The following CYSTM1 variants were observed in gnomAD, a reference collection of about 807,000 sequenced individuals.
CYSTM1 encodes the protein cysteine-rich transmembrane module-containing protein 1.
Under a neutral mutation model 13.1 loss-of-function variants are expected in CYSTM1, and 4 were observed. The observed-to-expected ratio is 0.31, with a 90% CI of 0.15 to 0.70. The LOEUF (loss-of-function observed/expected upper bound fraction) is 0.70, where lower values mean the gene tolerates loss of function less well. CYSTM1 is among the 30% of genes least tolerant of loss of function. The pLI, the probability that CYSTM1 is intolerant of heterozygous loss-of-function variation, is 0.72. For missense variants in CYSTM1, 96 were observed against 121.6 expected (o/e 0.79, Z 0.99); for synonymous variants, 36 against 42.7 (o/e 0.84, Z 0.62).
chr5:140,204,670 CT>C (rs1764275082), intron 2 of CYSTM1, among the ~76,000 whole-genome samples: 1 of 152,138 alleles, frequency 6.6e-6, no homozygotes, highest in South Asian at 2.1e-4. Flanking sequence ...ATTATTTTAC[CT>C]CCCTGATCTT....
intron 1 of CYSTM1, among the ~76,000 whole-genome samples, chr5:140,179,243 GA>G (rs2126651681): frequency 1.3e-5 from 2 of 150,166 alleles, no homozygotes; most frequent in African/African-American, 4.9e-5. Flanking sequence ...CTGGAAGACA[GA>G]ATGACATCTT....
intron 2 of CYSTM1, among the ~76,000 whole-genome samples, chr5:140,240,320 T>C (rs1457144335): frequency 1.3e-5 from 2 of 151,914 alleles, no homozygotes; most frequent in African/African-American, 4.8e-5. Context: ...TATGTAACCA[T>C]AGTTCTGCCT....
intron 2 of CYSTM1, among the ~76,000 whole-genome samples, chr5:140,224,235 G>A (rs1473497937): frequency 1.3e-5 from 2 of 152,148 alleles, no homozygotes; most frequent in South Asian, 2.1e-4. Context: ...TGCCTCCCGG[G>A]TTCAAGCGAT....
chr5:140,197,981 A>T (rs1341056379), intron 2 of CYSTM1, among the ~76,000 whole-genome samples: 3 of 152,222 alleles, frequency 2.0e-5, no homozygotes, highest in Non-Finnish European at 2.9e-5. Context: ...TTGTAGCAAA[A>T]AAACCCACCT....
chr5:140,196,147 G>A lies in CYSTM1; in HGVS notation c.187+1495G>A, dbSNP rs1764154406. On this transcript the variant is annotated intron_variant, in intron 2 of 2. Transcript: ENST00000261811. ...CCTATGAAGTTATTCCCATTTTATAGTGATGTAATAGAGGTACAAAGTTAG... is the reference window on the plus strand; with the variant it reads ...CCTATGAAGTTATTCCCATTTTATAATGATGTAATAGAGGTACAAAGTTAG... 2.0e-5 allele frequency among the ~76,000 whole-genome samples: 3 copies of A among 152,108 alleles called. No individual in the cohort carries two copies. The South Asian group carries it at 6.2e-4, about 32-fold the overall frequency.
chr5:140,215,749 T>G (rs1764418256), intron 2 of CYSTM1, among the ~76,000 whole-genome samples: 1 of 152,278 alleles, frequency 6.6e-6, no homozygotes, highest in South Asian at 2.1e-4. Flanking sequence ...AATATAATGC[T>G]ACATAAAAGT....
At chr5:140,202,837 G>T (rs1176258776) in intron 2 of CYSTM1, 1 of 152,094 alleles carries the variant, frequency 6.6e-6, no homozygotes, top group Non-Finnish European at 1.5e-5. Context: ...ACCAGTGTTG[G>T]GTTTCTCCAC....
intron 1 of CYSTM1, among the ~76,000 whole-genome samples, chr5:140,186,720 C>G (rs1283870468): frequency 6.6e-6 from 1 of 152,178 alleles, no homozygotes; most frequent in Non-Finnish European, 1.5e-5. Context: ...ATAGTTGATG[C>G]TCCTATAAGT....
intron 2 of CYSTM1, among the ~76,000 whole-genome samples, chr5:140,216,660 C>T (rs1049077391): frequency 4.6e-5 from 7 of 152,186 alleles, no homozygotes; most frequent in African/African-American, 1.7e-4. Flanking sequence ...AGCTTGCTGC[C>T]TGTATGCTAT....
chr5:140,186,242 CAT>C (rs779625435), intron 1 of CYSTM1, among the ~76,000 whole-genome samples: 1 of 152,060 alleles, frequency 6.6e-6, no homozygotes, highest in Non-Finnish European at 1.5e-5. Flanking sequence ...AACAAACAAA[CAT>C]AAAGTTACAT....
chr5:140,208,561 T>A (rs542837872), intron 2 of CYSTM1, among the ~76,000 whole-genome samples: 1 of 152,234 alleles, frequency 6.6e-6, no homozygotes, highest in African/African-American at 2.4e-5. Flanking sequence ...TATTGTACAT[T>A]TAAAAATAAC....
intron 1 of CYSTM1, among the ~76,000 whole-genome samples, chr5:140,187,012 G>A (rs555835376): frequency 8.5e-5 from 13 of 152,212 alleles, no homozygotes; most frequent in Admixed American, 4.6e-4. Context: ...TGTAATCCCA[G>A]CTGCCCTGGA....
At chr5:140,214,564 G>C (rs10079869) in intron 2 of CYSTM1, among the ~76,000 whole-genome samples, 4,235 of 152,200 alleles carry the variant, frequency 0.028, 199 homozygotes, top group African/African-American at 0.097. Flanking sequence ...TTGCTTCATT[G>C]TTCTTAGGCC....
Position 140,243,380 on chromosome 5 carries a change from GT to G in CYSTM1, c.265del (p.Cys89AlafsTer26). The G allele has an allele frequency of 6.2e-7, 1 of 1,614,098 alleles. No individual in the cohort carries two copies. The highest frequency in any genetic ancestry group is 8.5e-7 in the Non-Finnish European group (1 of 1,179,996). On this transcript the variant is annotated frameshift_variant, in exon 3 of 3. Coordinates refer to ENST00000261811, the MANE Select transcript of CYSTM1 (RefSeq NM_032412.4). LOFTEE classifies it high-confidence loss of function. ...CTCACAGCCTGCTGGACGGCTCTCT[GT>G]TGCTGCTGTCTCTGGGACATGCTCA... Reference protein sequence around the residue: ...TCLTACWTALCCCCLWDMLT With the variant: ...TCLTACWTALXCCCLWDMLT
At chr5:140,194,327 T>A in intron 1 of CYSTM1, 119 bp from the exon 2 acceptor site, 1 of 944,098 alleles carries the variant, frequency 1.1e-6, no homozygotes, top group Non-Finnish European at 1.5e-6. Flanking sequence ...GAGCTAGAGA[T>A]TTGCACAAGG....
intron 2 of CYSTM1, among the ~76,000 whole-genome samples, chr5:140,199,556 T>A (rs930622166): frequency 6.6e-6 from 1 of 152,226 alleles, no homozygotes; most frequent in Non-Finnish European, 1.5e-5. Context: ...AGTGGCGCGA[T>A]CTTGACTTAC....
intron 1 of CYSTM1, among the ~76,000 whole-genome samples, chr5:140,178,579 T>C (rs1045228754): frequency 6.6e-6 from 1 of 150,886 alleles, no homozygotes; most frequent in African/African-American, 2.4e-5. Context: ...TGCCTGGCTA[T>C]CTAAGACCTT....
At chr5:140,189,767 G>T (rs749243051) in intron 1 of CYSTM1, among the ~76,000 whole-genome samples, 5 of 152,052 alleles carry the variant, frequency 3.3e-5, no homozygotes, top group Non-Finnish European at 5.9e-5. Flanking sequence ...TCTTTTGGTG[G>T]ACTTACACAC....
intron 2 of CYSTM1, among the ~76,000 whole-genome samples, chr5:140,218,689 T>C (rs1217531788): frequency 6.6e-6 from 1 of 152,234 alleles, no homozygotes; most frequent in East Asian, 1.9e-4. Context: ...TGCTGTGATA[T>C]GGACAGATGA....
Sources: allele counts gnomAD v4.1 joint callset (sites outside exome capture counted in the v4.1 genomes callset), GRCh38; gene constraint gnomAD v4.1.1; transcripts MANE v1.5; gene names NCBI Gene and HGNC (gene_info 2026-07-23, HGNC 2026-07-21).